ACSS3: variants seen among roughly 807,000 people sequenced by gnomAD.
The protein encoded by ACSS3 is acyl-CoA synthetase short chain family member 3, also known as acyl-CoA synthetase short-chain family member 3, mitochondrial.
ACSS3 carries 64 observed loss-of-function variants against 84.2 expected under a neutral mutation model. That is an observed-to-expected ratio of 0.76 (90% confidence interval 0.62 to 0.94). The LOEUF (loss-of-function observed/expected upper bound fraction) is 0.94, where lower values mean the gene tolerates loss of function less well. Ranked by LOEUF, ACSS3 falls within the 40% of genes least tolerant of loss-of-function variation. The probability of loss-of-function intolerance (pLI) is 0.00; values close to 1 mark genes in which losing one functional copy is unlikely to be tolerated. For missense variants in ACSS3, 815 were observed against 867.6 expected, an observed-to-expected ratio of 0.94 and a Z score of 0.76; for synonymous variants, 317 against 310.1, an observed-to-expected ratio of 1.02 and a Z score of -0.23.
chr12:81,161,818 TG>T (rs568868809), intron 7 of ACSS3, among the ~76,000 whole-genome samples: 27,256 of 152,072 alleles, frequency 0.18, 2,760 homozygotes, highest in East Asian at 0.39. Flanking sequence ...CATGCAAGCG[TG>T]GGGTCCAGCC....
chr12:81,246,851 G>A (rs1415922650), intron 13 of ACSS3, among the ~76,000 whole-genome samples: 5 of 151,990 alleles, frequency 3.3e-5, no homozygotes, highest in Non-Finnish European at 7.4e-5. Context: ...TTAGTACCTG[G>A]GTGATGAAAT....
At chr12:81,203,033 G>A (rs1023251159) in intron 9 of ACSS3, among the ~76,000 whole-genome samples, 2 of 152,286 alleles carry the variant, frequency 1.3e-5, no homozygotes, top group South Asian at 2.1e-4. Flanking sequence ...AATTCTGGTA[G>A]CATGGCTCAG....
At chr12:81,195,002 C>T (rs1158236038) in intron 8 of ACSS3, among the ~76,000 whole-genome samples, 3 of 151,902 alleles carry the variant, frequency 2.0e-5, no homozygotes, top group African/African-American at 7.2e-5. Context: ...TTGAAGTTCT[C>T]GATCTCTAGT....
intron 13 of ACSS3, among the ~76,000 whole-genome samples, chr12:81,243,586 A>G (rs1205601494): frequency 1.3e-5 from 2 of 152,228 alleles, no homozygotes; most frequent in Non-Finnish European, 2.9e-5. Flanking sequence ...AGCTGGAGGC[A>G]TCACGCTACC....
At chr12:81,208,345 T>C (rs1365256392) in intron 9 of ACSS3, among the ~76,000 whole-genome samples, 6 of 152,134 alleles carry the variant, frequency 3.9e-5, no homozygotes, top group Non-Finnish European at 8.8e-5. Flanking sequence ...GGAGCTCTGA[T>C]TTATAGAGCT....
At chr12:81,102,414 G>C (rs1882590371) in intron 1 of ACSS3, among the ~76,000 whole-genome samples, 1 of 152,136 alleles carries the variant, frequency 6.6e-6, no homozygotes. Context: ...TGTGATGTCT[G>C]TGCATGTGCA....
chr12:81,202,450 T>C (rs2032153663), intron 9 of ACSS3, among the ~76,000 whole-genome samples: 1 of 152,200 alleles, frequency 6.6e-6, no homozygotes, highest in Admixed American at 6.5e-5. Flanking sequence ...AGTGCATTAA[T>C]GAGTTTCCTA....
chr12:81,092,268 G>T (rs1419088701), intron 1 of ACSS3, among the ~76,000 whole-genome samples: 1 of 152,096 alleles, frequency 6.6e-6, no homozygotes, highest in Non-Finnish European at 1.5e-5. Flanking sequence ...GGTGCAAGAT[G>T]AGAGTCCAGA....
Position 81,258,221 on chromosome 12 carries a change from T to C in ACSS3, c.*3299T>C, listed in dbSNP as rs1002743560. 5 of 152,150 alleles carry C rather than the reference T, an allele frequency of 3.3e-5. No homozygotes were observed. The highest frequency in any genetic ancestry group is 5.9e-5 in the Non-Finnish European group (4 of 68,014). The allele number at this position is 152,150 out of a possible 1,614,324, so 9.4% of individuals were successfully genotyped here. On this transcript the variant is annotated 3_prime_UTR_variant, in exon 16 of 16. Transcript: ENST00000548058. ...CACATTTCCTGATAGTTTAAGTAAA[T>C]TGTCGAGCCTTATGTGACTAGAAAA...
chr12:81,240,997 C>T (rs1247345148), intron 13 of ACSS3, among the ~76,000 whole-genome samples: 1 of 124,832 alleles, frequency 8.0e-6, no homozygotes, highest in Non-Finnish European at 1.6e-5. Context: ...TCCCCCCACC[C>T]CACAACAGTC....
At chr12:81,254,770 A>C in intron 15 of ACSS3, 87 bp from the exon 16 acceptor site, 1 of 1,091,128 alleles carries the variant, frequency 9.2e-7, no homozygotes, top group Non-Finnish European at 1.3e-6. Flanking sequence ...CAATGGGGAA[A>C]ACAACATTGC....
intron 4 of ACSS3, 112 bp downstream of exon 4, chr12:81,139,377 A>G (rs1380347158): frequency 2.4e-5 from 28 of 1,177,814 alleles, no homozygotes; most frequent in Non-Finnish European, 3.2e-5. Flanking sequence ...TATACTGCTG[A>G]ATGTTATTGT....
At chr12:81,208,254 A>G (rs1241368076) in intron 9 of ACSS3, among the ~76,000 whole-genome samples, 2 of 152,136 alleles carry the variant, frequency 1.3e-5, no homozygotes, top group Non-Finnish European at 2.9e-5. Context: ...AGCATGGACT[A>G]CCGACTTCTA....
intron 9 of ACSS3, among the ~76,000 whole-genome samples, chr12:81,201,689 C>G (rs752121010): frequency 5.3e-5 from 8 of 152,154 alleles, no homozygotes; most frequent in Non-Finnish European, 8.8e-5. Flanking sequence ...CCATGGAAAA[C>G]ATGTGGATTT....
chr12:81,098,169 TGTGTGTGTGTGA>T (rs1170928399), intron 1 of ACSS3, among the ~76,000 whole-genome samples: 2,240 of 150,190 alleles, frequency 0.015, 36 homozygotes, highest in Non-Finnish European at 0.018. Flanking sequence ...TGTGTGTGTG[TGTGTGTGTGTGA>T]GACTGTGCCC....
chr12:81,112,667 G>T (rs900572227), intron 2 of ACSS3, among the ~76,000 whole-genome samples: 1 of 152,184 alleles, frequency 6.6e-6, no homozygotes, highest in African/African-American at 2.4e-5. Flanking sequence ...TTGATTACTT[G>T]CTTCTGATTC....
At chr12:81,251,622 A>G (rs948950806) in intron 13 of ACSS3, among the ~76,000 whole-genome samples, 3 of 147,226 alleles carry the variant, frequency 2.0e-5, no homozygotes, top group African/African-American at 7.4e-5. Context: ...GCTTGAGCCC[A>G]GGAGTTTGAG....
chr12:81,243,220 CA>C (rs1181384572), intron 13 of ACSS3, among the ~76,000 whole-genome samples: 2 of 151,920 alleles, frequency 1.3e-5, no homozygotes, highest in African/African-American at 2.4e-5. Flanking sequence ...CAATAACAGA[CA>C]AACAGAGAGC....
intron 9 of ACSS3, among the ~76,000 whole-genome samples, chr12:81,215,378 G>A (rs1015727441): frequency 2.6e-5 from 4 of 152,264 alleles, no homozygotes; most frequent in African/African-American, 7.2e-5. Context: ...TGTGACTTAG[G>A]AACTGTGTTT....
Sources: allele counts gnomAD v4.1 joint callset (sites outside exome capture counted in the v4.1 genomes callset), GRCh38; gene constraint gnomAD v4.1.1; transcripts MANE v1.5; gene names NCBI Gene and HGNC (gene_info 2026-07-23, HGNC 2026-07-21).